The following DENND5B variants were observed in gnomAD, a reference collection of about 807,000 sequenced individuals.
DENND5B encodes the protein DENN domain containing 5B.
In DENND5B, 34 loss-of-function variants were observed where a neutral mutation model predicts 140.6. The observed-to-expected ratio is 0.24, with a 90% CI of 0.18 to 0.32. The LOEUF (loss-of-function observed/expected upper bound fraction) is 0.32, where lower values mean the gene tolerates loss of function less well. Among genes scored for constraint, DENND5B ranks in the 10% least tolerant of loss-of-function variants. DENND5B has a pLI of 1.00. For synonymous variants in DENND5B, 551 were observed against 562.1 expected (o/e 0.98, Z 0.28); for missense variants, 1,142 against 1,560.2 (o/e 0.73, Z 4.52).
chr12:31,465,540 G>GT (rs1460115005), intron 3 of DENND5B: 1 of 152,158 alleles, frequency 6.6e-6, no homozygotes. Context: ...GCTAATTTTT[G>GT]TATTTTTGTA....
At chr12:31,550,262 T>C (rs1354738259) in intron 1 of DENND5B, among the ~76,000 whole-genome samples, 1 of 133,716 alleles carries the variant, frequency 7.5e-6, no homozygotes. Context: ...CCCCTTCCTG[T>C]GTCCATGTGT....
chr12:31,573,967 TAA>T (rs544048362), intron 1 of DENND5B, among the ~76,000 whole-genome samples: 15 of 131,316 alleles, frequency 1.1e-4, no homozygotes, highest in Admixed American at 2.3e-4. Flanking sequence ...CTTTATCTCT[TAA>T]AAAAAAAAAA....
At chr12:31,506,257 C>T (rs1477451944) in intron 1 of DENND5B, 1 of 152,136 alleles carries the variant, frequency 6.6e-6, no homozygotes, top group African/African-American at 2.4e-5. Context: ...ATTTACCTAA[C>T]ACTAAATATA....
At chr12:31,441,132 C>G (rs1382234650) in intron 7 of DENND5B, among the ~76,000 whole-genome samples, 1 of 152,094 alleles carries the variant, frequency 6.6e-6, no homozygotes, top group African/African-American at 2.4e-5. Flanking sequence ...TGCTTGAGCC[C>G]AGAAGTTCAA....
At chr12:31,403,786 C>T (rs1941955945) in intron 14 of DENND5B, among the ~76,000 whole-genome samples, 1 of 149,332 alleles carries the variant, frequency 6.7e-6, no homozygotes. Context: ...ATCCCAGCTA[C>T]TCAGGAGGCT....
intron 9 of DENND5B, among the ~76,000 whole-genome samples, chr12:31,425,634 A>G (rs1294469403): frequency 1.3e-5 from 2 of 152,230 alleles, no homozygotes; most frequent in East Asian, 1.9e-4. Context: ...AGTAGCTTTT[A>G]TAAAATGTAA....
chr12:31,442,925 G>T lies in DENND5B; in HGVS notation c.1862C>A (p.Ala621Asp). 3 of 1,552,524 alleles carry T rather than the reference G, an allele frequency of 1.9e-6. No individual in the cohort carries two copies. Among genetic ancestry groups the T allele is most frequent in the Non-Finnish European group, 2.6e-6 (3 of 1,148,890 alleles). ...YQKCSTLKEA[A>D]QSIEQRLMKM... Reference sequence around the variant, plus strand: ...CATCAGTCTCTGCTCAATTGATTGGGCTATAAATTAAATTTATAATAAATT... The same window carrying T: ...CATCAGTCTCTGCTCAATTGATTGGTCTATAAATTAAATTTATAATAAATT... The change falls in exon 7 of 21, where the codon GCC becomes GAC. Residue 621 changes from alanine to aspartate, a missense_variant and splice_region_variant. Coordinates refer to ENST00000389082, the MANE Select transcript of DENND5B (RefSeq NM_144973.4).
In DENND5B at chr12:31,559,123, G is replaced by T. The variant is rs370298087; in HGVS notation, c.127+31583C>A. On this transcript the variant is annotated intron_variant, in intron 1 of 20. Coordinates refer to ENST00000389082, the MANE Select transcript of DENND5B (RefSeq NM_144973.4). ...GTAAACTTTCTACCATCCTCGTACT[G>T]ATAGAAAATTCTCATGGGAGAGTAG... 2.6e-4 allele frequency among the ~76,000 whole-genome samples: 40 copies of T among 152,098 alleles called. 2 individuals are homozygous for T. The highest frequency in any genetic ancestry group is 1.7e-3 in the Admixed American group (26 of 15,266).
Position 31,452,238 on chromosome 12 carries a change from A to G in DENND5B, c.1331T>C (p.Met444Thr), listed in dbSNP as rs751900245. The change falls in exon 5 of 21, where the codon ATG (methionine) becomes ACG (threonine). Residue 444 changes from methionine to threonine, a missense_variant. Physicochemically the swap from Met to Thr is moderately conservative, Grantham distance 81. Transcript: ENST00000389082. ...TTCATTGCCCTTCAGTAACTCATAC[A>G]TGCTGATGTTATTAGTACAGACATT... The part of the protein sequence containing the change: ...NGNVCTNNIS[M>T]YELLKGNETI... 35 of 1,613,818 alleles carry G rather than the reference A, an allele frequency of 2.2e-5. No individual in the cohort carries two copies. The highest frequency in any genetic ancestry group is 2.8e-5 in the Non-Finnish European group (33 of 1,179,908).
At chr12:31,408,624 C>CAAAAA (rs33965275) in intron 14 of DENND5B, among the ~76,000 whole-genome samples, 9 of 71,954 alleles carry the variant, frequency 1.3e-4, no homozygotes, top group African/African-American at 1.8e-4. Context: ...GAGACTCTAT[C>CAAAAA]AAAAAAAAAA....
chr12:31,484,940 A>G (rs1946234989), intron 2 of DENND5B, among the ~76,000 whole-genome samples: 1 of 152,328 alleles, frequency 6.6e-6, no homozygotes, highest in East Asian at 1.9e-4. Context: ...TCATTAGACA[A>G]CCGGCGATGA....
chr12:31,500,290 AG>A, intron 1 of DENND5B: 1 of 427,222 alleles, frequency 2.3e-6, no homozygotes, highest in Non-Finnish European at 4.6e-6. Flanking sequence ...GGCCTCAAAA[AG>A]TTTCAAATTT....
At position 31,590,891 on chromosome 12, in the gene DENND5B, G is replaced by A; in HGVS notation, c.-59C>T. The A allele has an allele frequency of 1.7e-6, 2 of 1,176,348 alleles. No individual in the cohort carries two copies. Among genetic ancestry groups the A allele is most frequent in the Non-Finnish European group, 2.1e-6 (2 of 955,024 alleles). 72.9% of individuals were successfully genotyped at this position (1,176,348 alleles called of 1,614,324 possible). ...GCCGCCCGGGAAGGCTTTCTGCGGA[G>A]GCTGCCACCACCGCTCCGGCTGTGG... is the stretch of plus-strand genomic sequence containing the variant. On this transcript the variant is annotated 5_prime_UTR_variant, in exon 1 of 21. Transcript: ENST00000389082.
At position 31,426,376 on chromosome 12, in the gene DENND5B, T is replaced by G; in HGVS notation, c.2155A>C (p.Lys719Gln). Residue 719 changes from lysine (K) to glutamine (Q), a missense_variant, in exon 9 of 21, where the codon AAA (lysine) becomes CAA (glutamine). Lys to Gln is a moderately conservative substitution (Grantham distance 53). Coordinates refer to ENST00000389082, the MANE Select transcript of DENND5B (RefSeq NM_144973.4). ...RSLGKNLRQP[K>Q]LSDLSPAVIA... is the part of the protein sequence containing the mutation. ...ACTGCAGGAGAGAGGTCTGACAGTT[T>G]GGGTTGCCTCAGGTTTTTTCCTAAA... The G allele has an allele frequency of 6.2e-7, 1 of 1,612,580 alleles. No homozygotes were observed. Among genetic ancestry groups the G allele is most frequent in the Non-Finnish European group, 8.5e-7 (1 of 1,179,228 alleles).
intron 17 of DENND5B, among the ~76,000 whole-genome samples, chr12:31,395,058 A>G (rs1941360417): frequency 6.6e-6 from 1 of 152,142 alleles, no homozygotes; most frequent in African/African-American, 2.4e-5. Flanking sequence ...CAGTTGATGT[A>G]TATTGGGGTT....
chr12:31,469,483 G>A (rs1945442315), intron 3 of DENND5B, among the ~76,000 whole-genome samples: 1 of 152,174 alleles, frequency 6.6e-6, no homozygotes, highest in Non-Finnish European at 1.5e-5. Context: ...CCATTTGGCT[G>A]TTTCTGAGTT....
At chr12:31,588,523 A>G (rs1950480737) in intron 1 of DENND5B, among the ~76,000 whole-genome samples, 1 of 152,240 alleles carries the variant, frequency 6.6e-6, no homozygotes, top group South Asian at 2.1e-4. Flanking sequence ...ATTATTCCCT[A>G]AACAATACAG....
At chr12:31,430,320 G>C (rs1026678174) in intron 8 of DENND5B, among the ~76,000 whole-genome samples, 1 of 151,100 alleles carries the variant, frequency 6.6e-6, no homozygotes, top group African/African-American at 2.4e-5. Flanking sequence ...ACTGCGCCTG[G>C]CCCCTGAATA....
At chr12:31,499,330 C>T (rs1343699878) in intron 1 of DENND5B, among the ~76,000 whole-genome samples, 2 of 152,156 alleles carry the variant, frequency 1.3e-5, no homozygotes, top group African/African-American at 4.8e-5. Flanking sequence ...GCCAAATAAC[C>T]TCCTACTAAA....
Sources: allele counts gnomAD v4.1 joint callset (sites outside exome capture counted in the v4.1 genomes callset), GRCh38; gene constraint gnomAD v4.1.1; transcripts MANE v1.5; gene names NCBI Gene and HGNC (gene_info 2026-07-23, HGNC 2026-07-21).